Variants in PTK2 observed in about 807,000 individuals in gnomAD.
PTK2 encodes the protein protein tyrosine kinase 2, also known as focal adhesion kinase 1.
In PTK2, 45 loss-of-function variants were observed where a neutral mutation model predicts 150.1. The observed-to-expected ratio is 0.30, with a 90% CI of 0.24 to 0.38. The LOEUF (loss-of-function observed/expected upper bound fraction) is 0.38. PTK2 is among the 10% of genes least tolerant of loss of function. The pLI, the probability that PTK2 is intolerant of heterozygous loss-of-function variation, is 1.00. For missense variants in PTK2, 919 were observed against 1,307.3 expected, an observed-to-expected ratio of 0.70 and a Z score of 4.58; for synonymous variants, 432 against 449.2, an observed-to-expected ratio of 0.96 and a Z score of 0.48.
chr8:140,912,593 C>A (rs2100163639), intron 2 of PTK2, among the ~76,000 whole-genome samples: 1 of 151,022 alleles, frequency 6.6e-6, no homozygotes, highest in Non-Finnish European at 1.5e-5. Flanking sequence ...AAATCAACAC[C>A]CTCTCATAAT....
intron 29 of PTK2, among the ~76,000 whole-genome samples, chr8:140,671,298 C>T (rs191096034): frequency 4.5e-4 from 68 of 152,202 alleles, no homozygotes; most frequent in African/African-American, 1.6e-3. Flanking sequence ...CTCAGCTCAC[C>T]ACAACCACCG....
intron 1 of PTK2, chr8:140,983,771 T>G (rs1348722845): frequency 6.6e-6 from 1 of 152,162 alleles, no homozygotes; most frequent in Non-Finnish European, 1.5e-5. Context: ...TGAGCAAAGA[T>G]GCAGGGAAGA....
chr8:140,994,217 C>T (rs1248035859), intron 1 of PTK2, among the ~76,000 whole-genome samples: 1 of 152,184 alleles, frequency 6.6e-6, no homozygotes, highest in Non-Finnish European at 1.5e-5. Context: ...CTCTCTGAGG[C>T]TTCCAACTGC....
intron 1 of PTK2, among the ~76,000 whole-genome samples, chr8:140,986,439 A>T (rs970970588): frequency 1.3e-5 from 2 of 152,250 alleles, no homozygotes; most frequent in East Asian, 3.8e-4. Context: ...CCACAACCTG[A>T]CAAGACAAGA....
intron 2 of PTK2, among the ~76,000 whole-genome samples, chr8:140,924,483 T>A (rs777009824): frequency 4.1e-4 from 63 of 152,190 alleles, no homozygotes; most frequent in Non-Finnish European, 2.1e-4. Flanking sequence ...TACTGAAGTG[T>A]AGGCCATATT....
intron 1 of PTK2, among the ~76,000 whole-genome samples, chr8:140,957,485 A>C (rs2100181595): frequency 6.6e-6 from 1 of 152,204 alleles, no homozygotes; most frequent in Admixed American, 6.5e-5. Context: ...TTACTGAAGA[A>C]AAATATTTTT....
At chr8:140,869,925 A>G (rs540086216) in intron 4 of PTK2, among the ~76,000 whole-genome samples, 1 of 98,350 alleles carries the variant, frequency 1.0e-5, no homozygotes, top group African/African-American at 3.9e-5. Context: ...CTTTGAGATG[A>G]GCATGTAGCA....
In PTK2 at chr8:140,704,003, C is replaced by T. The variant is rs566344514; in HGVS notation, c.2230-1296G>A. ...AATTTATACCAAAATTTCATATGGA[C>T]AATATGAAATTAATGAATCTTCAAG... On this transcript the variant is annotated intron_variant, in intron 24 of 31. Transcript: ENST00000522684. Among the ~76,000 whole-genome samples, 319 of 152,166 alleles carry T rather than the reference C, an allele frequency of 2.1e-3. 3 individuals carry two copies. The highest frequency in any genetic ancestry group is 7.4e-3 in the African/African-American group (308 of 41,498).
intron 13 of PTK2, among the ~76,000 whole-genome samples, chr8:140,791,389 C>G (rs1197897413): frequency 6.6e-6 from 1 of 152,172 alleles, no homozygotes; most frequent in African/African-American, 2.4e-5. Flanking sequence ...ACTAAAGGTA[C>G]TCTAAATAAA....
Position 140,864,303 on chromosome 8 carries a change from C to G in PTK2, c.450+9G>C. 1.3e-6 allele frequency: 2 copies of G among 1,523,668 alleles called. No homozygotes were observed. Among genetic ancestry groups the G allele is most frequent in the Non-Finnish European group, 1.8e-6 (2 of 1,120,876 alleles). 94.4% of individuals were successfully genotyped at this position (1,523,668 alleles called of 1,614,324 possible). ...AAACAAAAAAGTATATGAAAGCAGT[C>G]TCTAATACCTGTTGATAGAAGAAAT... On this transcript the variant is annotated intron_variant, in intron 5 of 31. Coordinates refer to ENST00000522684, the Ensembl canonical transcript of PTK2.
intron 25 of PTK2, among the ~76,000 whole-genome samples, 184 bp downstream of exon 28, chr8:140,702,386 A>G (rs772485598): frequency 5.3e-5 from 8 of 150,410 alleles, no homozygotes; most frequent in Non-Finnish European, 8.9e-5. Context: ...TACGTGACTA[A>G]TTTTCTATTT....
chr8:140,756,407 T>C (rs2100065755), intron 16 of PTK2, among the ~76,000 whole-genome samples: 1 of 151,082 alleles, frequency 6.6e-6, no homozygotes, highest in African/African-American at 2.4e-5. Flanking sequence ...TAGTAAACAT[T>C]AGATTATGGG....
chr8:140,905,559 T>G (rs1369785342), intron 2 of PTK2, among the ~76,000 whole-genome samples: 1 of 151,982 alleles, frequency 6.6e-6, no homozygotes, highest in Non-Finnish European at 1.5e-5. Context: ...GACTTAGACT[T>G]CCACACAATA....
At chr8:140,788,892 A>G (rs1341809935) in intron 14 of PTK2, among the ~76,000 whole-genome samples, 1 of 152,122 alleles carries the variant, frequency 6.6e-6, no homozygotes, top group Non-Finnish European at 1.5e-5. Context: ...CCCACAGAAG[A>G]TGCTTTCTCA....
intron 1 of PTK2, among the ~76,000 whole-genome samples, chr8:140,928,640 C>T (rs2100170578): frequency 6.6e-6 from 1 of 152,180 alleles, no homozygotes; most frequent in South Asian, 2.1e-4. Flanking sequence ...AATTCTAACA[C>T]ATGCTGAACC....
chr8:140,784,680 C>T lies in PTK2; in HGVS notation c.1177+4794G>A, dbSNP rs999116504. Among the ~76,000 whole-genome samples the T allele has an allele frequency of 3.3e-5, 5 of 152,162 alleles. 1 individual carries two copies. The highest frequency in any genetic ancestry group is 6.8e-3 in the Middle Eastern group (2 of 294). On this transcript the variant is annotated intron_variant, in intron 14 of 31. Coordinates refer to ENST00000522684, the Ensembl canonical transcript of PTK2. ...TTTCAGATATGTTCCAAGTTGTACC[C>T]GAGCTCCACAACAAGCACAAGTTTC...
intron 16 of PTK2, among the ~76,000 whole-genome samples, chr8:140,760,870 C>A (rs1253126201): frequency 6.6e-6 from 1 of 152,206 alleles, no homozygotes; most frequent in Non-Finnish European, 1.5e-5. Context: ...TTCTGACTCT[C>A]ATCTGATTTG....
At chr8:140,660,062 G>C (rs2077227993) in intron 31 of PTK2, among the ~76,000 whole-genome samples, 1 of 151,582 alleles carries the variant, frequency 6.6e-6, no homozygotes. Flanking sequence ...AGCTATTATA[G>C]TGTGCCTGTT....
intron 29 of PTK2, among the ~76,000 whole-genome samples, chr8:140,671,368 C>T (rs1339623416): frequency 6.6e-6 from 1 of 152,090 alleles, no homozygotes; most frequent in East Asian, 1.9e-4. Flanking sequence ...ATTATAGGGT[C>T]ACACTACTAT....
Sources: allele counts gnomAD v4.1 joint callset (sites outside exome capture counted in the v4.1 genomes callset), GRCh38; gene constraint gnomAD v4.1.1; transcripts MANE v1.5; gene names NCBI Gene and HGNC (gene_info 2026-07-23, HGNC 2026-07-21).